The following NRXN1 variants were observed in gnomAD, a reference collection of about 807,000 sequenced individuals.
NRXN1 encodes the protein neurexin-1.
Under a neutral mutation model 150.9 loss-of-function variants are expected in NRXN1, and 39 were observed. The observed-to-expected ratio is 0.26, with a 90% CI of 0.20 to 0.34. The LOEUF (loss-of-function observed/expected upper bound fraction) is 0.34, where lower values mean the gene tolerates loss of function less well. NRXN1 is among the 10% of genes least tolerant of loss of function. The pLI, the probability that NRXN1 is intolerant of heterozygous loss-of-function variation, is 1.00. For missense variants in NRXN1, 1,815 were observed against 1,949.9 expected (o/e 0.93, Z 1.30); for synonymous variants, 924 against 757.0 (o/e 1.22, Z -3.62).
chr2:50,328,357 AG>A (rs1187093521), intron 17 of NRXN1, among the ~76,000 whole-genome samples: 1 of 152,172 alleles, frequency 6.6e-6, no homozygotes, highest in African/African-American at 2.4e-5. Context: ...CTCAGCACCA[AG>A]GCTAGTAACA....
At chr2:50,961,387 T>C (rs1381887588) in intron 2 of NRXN1, among the ~76,000 whole-genome samples, 1 of 151,382 alleles carries the variant, frequency 6.6e-6, no homozygotes, top group Non-Finnish European at 1.5e-5. Flanking sequence ...CTCTAACCAC[T>C]AGAAAAAAAA....
chr2:50,431,505 T>C (rs2084961524), intron 17 of NRXN1, among the ~76,000 whole-genome samples: 1 of 152,248 alleles, frequency 6.6e-6, no homozygotes. Flanking sequence ...AATTTTTGTA[T>C]GGCACAAAGG....
At chr2:50,838,837 G>C (rs1672462512) in intron 5 of NRXN1, among the ~76,000 whole-genome samples, 1 of 152,022 alleles carries the variant, frequency 6.6e-6, no homozygotes, top group Admixed American at 6.6e-5. Flanking sequence ...CCAGAACCGA[G>C]ACAATAAATG....
At chr2:50,861,772 A>G (rs1202679221) in intron 5 of NRXN1, among the ~76,000 whole-genome samples, 3 of 152,026 alleles carry the variant, frequency 2.0e-5, no homozygotes, top group Non-Finnish European at 2.9e-5. Context: ...TTTTTTTCCT[A>G]CTGTTTGTGA....
At chr2:50,373,331 T>TTATTATTATTA (rs1477232862) in intron 17 of NRXN1, among the ~76,000 whole-genome samples, 1 of 146,970 alleles carries the variant, frequency 6.8e-6, no homozygotes. Context: ...ATTATTATTA[T>TTATTATTATTA]TTTGCCTCAG....
intron 18 of NRXN1, among the ~76,000 whole-genome samples, chr2:50,123,538 C>G (rs757897511): frequency 6.6e-6 from 1 of 152,138 alleles, no homozygotes; most frequent in Non-Finnish European, 1.5e-5. Context: ...AGGTTTTGAA[C>G]AGATAATTGA....
chr2:50,820,326 C>T (rs1669542641), intron 5 of NRXN1, among the ~76,000 whole-genome samples: 1 of 152,124 alleles, frequency 6.6e-6, no homozygotes. Context: ...AACACCACTT[C>T]CTGCACAGGT....
chr2:50,420,221 C>G (rs1329733733), intron 17 of NRXN1, among the ~76,000 whole-genome samples: 1 of 152,018 alleles, frequency 6.6e-6, no homozygotes, highest in Non-Finnish European at 1.5e-5. Flanking sequence ...AAAGTGAGCA[C>G]TGCCTATATA....
At chr2:50,422,310 A>T (rs1422317996) in intron 17 of NRXN1, among the ~76,000 whole-genome samples, 1 of 152,134 alleles carries the variant, frequency 6.6e-6, no homozygotes, top group East Asian at 1.9e-4. Flanking sequence ...ATGAATTCTA[A>T]CTATAGCCTA....
intron 1 of NRXN1, among the ~76,000 whole-genome samples, chr2:51,030,711 G>A (rs1426993153): frequency 6.6e-6 from 1 of 152,112 alleles, no homozygotes; most frequent in Non-Finnish European, 1.5e-5. Context: ...CAAACCCGAG[G>A]AAAGAGGCTC....
At chr2:50,514,361 A>T (rs2092563423) in intron 12 of NRXN1, among the ~76,000 whole-genome samples, 1 of 152,232 alleles carries the variant, frequency 6.6e-6, no homozygotes, top group South Asian at 2.1e-4. Context: ...GAATTATAAA[A>T]TTTTAAAACT....
intron 5 of NRXN1, among the ~76,000 whole-genome samples, chr2:50,658,439 T>TGTGTGTGTG (rs1553935244): frequency 1.3e-5 from 2 of 151,608 alleles, no homozygotes; most frequent in Non-Finnish European, 2.9e-5. Context: ...TGTGTGTGTG[T>TGTGTGTGTG]TTGAGGCAGG....
chr2:50,038,230 G>A (rs1265419812), intron 21 of NRXN1, among the ~76,000 whole-genome samples: 1 of 152,198 alleles, frequency 6.6e-6, no homozygotes, highest in Non-Finnish European at 1.5e-5. Flanking sequence ...AAGGTCATCA[G>A]TGTTTCTCAG....
intron 18 of NRXN1, among the ~76,000 whole-genome samples, chr2:50,153,020 T>C (rs2058785244): frequency 6.6e-6 from 1 of 151,748 alleles, no homozygotes; most frequent in Admixed American, 6.6e-5. Flanking sequence ...CCAATCATTT[T>C]TTACTTTCTG....
chr2:50,861,564 G>A (rs770673655), intron 5 of NRXN1, among the ~76,000 whole-genome samples: 2 of 152,058 alleles, frequency 1.3e-5, no homozygotes, highest in Non-Finnish European at 2.9e-5. Context: ...AGAGGATGCT[G>A]CAATCTCTAT....
At chr2:50,610,623 C>G (rs1483634161) in intron 8 of NRXN1, among the ~76,000 whole-genome samples, 8 of 80,298 alleles carry the variant, frequency 1.0e-4, no homozygotes. Flanking sequence ...CAGAGCCTGG[C>G]ACATACTATA....
intron 18 of NRXN1, among the ~76,000 whole-genome samples, chr2:50,224,554 G>A (rs898973656): frequency 6.6e-6 from 1 of 151,742 alleles, no homozygotes; most frequent in African/African-American, 2.4e-5. Context: ...TTCACTGATA[G>A]TACTTCCAAA....
At chr2:50,941,321 G>A (rs777717821) in intron 2 of NRXN1, among the ~76,000 whole-genome samples, 5 of 152,130 alleles carry the variant, frequency 3.3e-5, no homozygotes, top group African/African-American at 1.2e-4. Context: ...TGCTATAAAG[G>A]TACCCGAAAA....
chr2:50,867,802 G>A (rs888027319), intron 5 of NRXN1, among the ~76,000 whole-genome samples: 2 of 151,684 alleles, frequency 1.3e-5, no homozygotes, highest in Non-Finnish European at 2.9e-5. Context: ...TCAAAAGAAT[G>A]GGTAAAGTTA....
Sources: gnomAD v4.1 joint callset for allele counts (sites outside exome capture counted in the v4.1 genomes callset) on GRCh38, gnomAD v4.1.1 for gene constraint, MANE v1.5 for transcripts, NCBI Gene and HGNC (gene_info 2026-07-23, HGNC 2026-07-21) for gene names.